The following CPM variants were observed in gnomAD, a reference collection of about 807,000 sequenced individuals.
CPM encodes the protein renal carboxypeptidase.
CPM carries 35 observed loss-of-function variants against 46.4 expected under a neutral mutation model. The observed-to-expected ratio is 0.75, with a 90% CI of 0.58 to 1.00. CPM has a LOEUF of 1.00. Among genes scored for constraint, CPM ranks in the 50% least tolerant of loss-of-function variants. The pLI is 0.00. For missense variants in CPM, 422 were observed against 530.4 expected (o/e 0.80, Z 2.01); for synonymous variants, 195 against 195.3 (o/e 1.00, Z 0.01).
chr12:68,943,531 C>A (rs1419740069), intron 1 of CPM, among the ~76,000 whole-genome samples: 1 of 152,168 alleles, frequency 6.6e-6, no homozygotes, highest in Non-Finnish European at 1.5e-5. Context: ...CCTTTATCAA[C>A]CATAAATTTG....
chr12:68,952,849 G>A (rs1235656626), intron 1 of CPM, among the ~76,000 whole-genome samples: 1 of 152,220 alleles, frequency 6.6e-6, no homozygotes, highest in African/African-American at 2.4e-5. Flanking sequence ...ACAGAAGTAA[G>A]TAGAAAGAGA....
At chr12:68,948,801 G>A (rs989444896) in intron 1 of CPM, among the ~76,000 whole-genome samples, 1 of 152,154 alleles carries the variant, frequency 6.6e-6, no homozygotes, top group African/African-American at 2.4e-5. Context: ...GCATCTTTTG[G>A]TTCAGTTGCC....
At chr12:68,943,239 G>A (rs1888792539) in intron 1 of CPM, among the ~76,000 whole-genome samples, 1 of 152,154 alleles carries the variant, frequency 6.6e-6, no homozygotes, top group Non-Finnish European at 1.5e-5. Context: ...GTCCTTTTCT[G>A]TAAACTGGGC....
intron 2 of CPM, among the ~76,000 whole-genome samples, chr12:68,918,035 T>C (rs1887881703): frequency 6.6e-6 from 1 of 152,222 alleles, no homozygotes; most frequent in Non-Finnish European, 1.5e-5. Context: ...AATCTTAGCC[T>C]TGAATATGAT....
intron 7 of CPM, among the ~76,000 whole-genome samples, chr12:68,866,389 A>G (rs189439216): frequency 9.8e-5 from 15 of 152,294 alleles, no homozygotes; most frequent in African/African-American, 3.1e-4. Context: ...TCTGGAGTAC[A>G]TTGGCACCAT....
intron 2 of CPM, among the ~76,000 whole-genome samples, chr12:68,925,457 T>C (rs754977110): frequency 3.3e-5 from 5 of 152,230 alleles, no homozygotes; most frequent in Admixed American, 6.5e-5. Flanking sequence ...TACAAGGATG[T>C]TCACTACAGC....
chr12:68,935,537 T>C (rs889026829), upstream of CPM, among the ~76,000 whole-genome samples: 2 of 152,148 alleles, frequency 1.3e-5, no homozygotes, highest in Admixed American at 6.5e-5. Context: ...GTGATCCTTC[T>C]GCCTCAGCCT....
At chr12:68,930,717 C>G (rs1213511215) in intron 2 of CPM, among the ~76,000 whole-genome samples, 1 of 152,164 alleles carries the variant, frequency 6.6e-6, no homozygotes, top group Non-Finnish European at 1.5e-5. Flanking sequence ...AAATTAAAAA[C>G]AAAATTAAGC....
At chr12:68,867,833 A>G (rs1390513001) in intron 6 of CPM, among the ~76,000 whole-genome samples, 1 of 152,172 alleles carries the variant, frequency 6.6e-6, no homozygotes, top group Non-Finnish European at 1.5e-5. Context: ...TTACTTTCAA[A>G]GGGTTTGTTT....
At chr12:68,957,863 C>T (rs1020237973) in intron 1 of CPM, among the ~76,000 whole-genome samples, 2 of 149,976 alleles carry the variant, frequency 1.3e-5, no homozygotes, top group African/African-American at 4.9e-5. Flanking sequence ...CCTGACAGGC[C>T]CCAGTGTGTG....
chr12:68,918,105 C>A (rs7305903), intron 2 of CPM, among the ~76,000 whole-genome samples: 9,767 of 152,164 alleles, frequency 0.064, 629 homozygotes, highest in African/African-American at 0.16. Context: ...TCATGGTACT[C>A]CCCAAAACAA....
intron 1 of CPM, among the ~76,000 whole-genome samples, chr12:68,947,180 G>C (rs772693961): frequency 3.3e-5 from 5 of 152,192 alleles, no homozygotes; most frequent in Non-Finnish European, 7.3e-5. Context: ...AAAGCTTCCA[G>C]AAGATGGATC....
chr12:68,956,326 G>T (rs1360948431), intron 1 of CPM, among the ~76,000 whole-genome samples: 1 of 152,190 alleles, frequency 6.6e-6, no homozygotes, highest in Non-Finnish European at 1.5e-5. Flanking sequence ...GTGCAGGGAT[G>T]CCAGGGTCTG....
chr12:68,890,896 A>C (rs1013574533), intron 2 of CPM, among the ~76,000 whole-genome samples: 1 of 152,264 alleles, frequency 6.6e-6, no homozygotes, highest in African/African-American at 2.4e-5. Context: ...GATGTGAAGC[A>C]CATTCCAGTT....
At chr12:68,960,106 G>A (rs1889086693) in intron 1 of CPM, among the ~76,000 whole-genome samples, 1 of 152,160 alleles carries the variant, frequency 6.6e-6, no homozygotes, top group South Asian at 2.1e-4. Flanking sequence ...GTCAGAATTT[G>A]TGTTGCTGAT....
At chr12:68,901,538 A>T (rs1476782669) in intron 2 of CPM, among the ~76,000 whole-genome samples, 2 of 152,260 alleles carry the variant, frequency 1.3e-5, no homozygotes, top group South Asian at 2.1e-4. Context: ...TTTGGAAAAA[A>T]AATCATGTGA....
intron 7 of CPM, among the ~76,000 whole-genome samples, chr12:68,863,922 A>T (rs1040610396): frequency 6.6e-6 from 1 of 152,226 alleles, no homozygotes; most frequent in African/African-American, 2.4e-5. Context: ...CTTCACAAAC[A>T]AAATATTCAT....
intron 8 of CPM, among the ~76,000 whole-genome samples, chr12:68,857,641 G>A (rs576415742): frequency 6.6e-6 from 1 of 152,004 alleles, no homozygotes; most frequent in East Asian, 1.9e-4. Flanking sequence ...GAAAAAATGG[G>A]GAATGACATT....
chr12:68,934,613 A>G (rs1210657213), upstream of CPM, among the ~76,000 whole-genome samples: 1 of 152,032 alleles, frequency 6.6e-6, no homozygotes, highest in African/African-American at 2.4e-5. Context: ...TCCGTGGTGT[A>G]TATGTGCCAC....
Sources: gnomAD v4.1 joint callset for allele counts (sites outside exome capture counted in the v4.1 genomes callset) on GRCh38, gnomAD v4.1.1 for gene constraint, MANE v1.5 for transcripts, NCBI Gene and HGNC (gene_info 2026-07-23, HGNC 2026-07-21) for gene names.